RHOU: variants seen among roughly 807,000 people sequenced by gnomAD.
The protein encoded by RHOU is ras homolog family member U.
In RHOU, 8 loss-of-function variants were observed where a neutral mutation model predicts 12.6. That is an observed-to-expected ratio of 0.64 (90% confidence interval 0.37 to 1.15). The LOEUF (loss-of-function observed/expected upper bound fraction) is 1.15, where lower values mean the gene tolerates loss of function less well. Among genes scored for constraint, RHOU ranks in the 50% most tolerant of loss-of-function variants. The pLI is 0.01. For synonymous variants in RHOU, 161 were observed against 147.4 expected, an observed-to-expected ratio of 1.09 and a Z score of -0.67; for missense variants, 258 against 347.0, an observed-to-expected ratio of 0.74 and a Z score of 2.04.
chr1:228,668,779 C>A, the RHOU span, among the ~76,000 whole-genome samples: 25 of 152,336 alleles, frequency 1.6e-4, no homozygotes, highest in East Asian at 2.9e-3. Context: ...CATTTCTGAT[C>A]TAACTTTGAC....
At chr1:228,647,355 G>A in the RHOU span, among the ~76,000 whole-genome samples, 18 of 152,300 alleles carry the variant, frequency 1.2e-4, no homozygotes, top group African/African-American at 4.1e-4. Flanking sequence ...CCCTTTTGGC[G>A]GGAGCCGTGG....
At chr1:228,669,976 T>C in the RHOU span, among the ~76,000 whole-genome samples, 2 of 152,172 alleles carry the variant, frequency 1.3e-5, no homozygotes, top group African/African-American at 4.8e-5. Context: ...ACCTCCAGGC[T>C]CATACACAGT....
chr1:228,670,906 G>T, the RHOU span, among the ~76,000 whole-genome samples: 1 of 152,184 alleles, frequency 6.6e-6, no homozygotes, highest in Admixed American at 6.5e-5. Context: ...TGCCATGATT[G>T]TAAGTTTCCT....
chr1:228,674,568 A>G, the RHOU span, among the ~76,000 whole-genome samples: 1 of 148,648 alleles, frequency 6.7e-6, no homozygotes, highest in Non-Finnish European at 1.5e-5. Context: ...CTGGTCTCAA[A>G]CTCCTGACCT....
the RHOU span, among the ~76,000 whole-genome samples, chr1:228,721,317 T>C: frequency 0.035 from 5,272 of 152,170 alleles, 135 homozygotes; most frequent in Middle Eastern, 0.13. Context: ...AAATAAAAAA[T>C]AGAATTCGTC....
the RHOU span, among the ~76,000 whole-genome samples, chr1:228,700,559 A>G: frequency 6.6e-6 from 1 of 152,342 alleles, no homozygotes; most frequent in African/African-American, 2.4e-5. Context: ...AAACTCTATC[A>G]GAATTAAGCC....
the RHOU span, among the ~76,000 whole-genome samples, chr1:228,656,441 T>C: frequency 6.6e-6 from 1 of 152,248 alleles, no homozygotes; most frequent in Admixed American, 6.5e-5. Context: ...ACCATTCACT[T>C]TTTGTTTTCT....
chr1:228,652,222 G>A, the RHOU span, among the ~76,000 whole-genome samples: 4 of 152,132 alleles, frequency 2.6e-5, no homozygotes, highest in African/African-American at 4.8e-5. Flanking sequence ...GTGTATCCTG[G>A]GTCAGTAATA....
intron 1 of RHOU, among the ~76,000 whole-genome samples, chr1:228,736,304 A>G (rs1662611670): frequency 6.6e-6 from 1 of 151,842 alleles, no homozygotes; most frequent in Non-Finnish European, 1.5e-5. Context: ...GCAACAGATA[A>G]GTAGGAGTGA....
the RHOU span, among the ~76,000 whole-genome samples, chr1:228,715,510 AT>A: frequency 6.6e-6 from 1 of 152,142 alleles, no homozygotes; most frequent in Non-Finnish European, 1.5e-5. Context: ...TTGGTAGAAT[AT>A]TCGGTAATAT....
the RHOU span, among the ~76,000 whole-genome samples, chr1:228,669,587 C>G: frequency 6.6e-6 from 1 of 152,278 alleles, no homozygotes; most frequent in South Asian, 2.1e-4. Flanking sequence ...TGGTTAAGAA[C>G]TTATGAAATG....
At chr1:228,647,011 G>C in the RHOU span, among the ~76,000 whole-genome samples, 1 of 145,256 alleles carries the variant, frequency 6.9e-6, no homozygotes, top group African/African-American at 2.6e-5. Context: ...ATAACGCGAG[G>C]TCCAGGGGGA....
At chr1:228,729,408 T>A in the RHOU span, among the ~76,000 whole-genome samples, 1 of 152,208 alleles carries the variant, frequency 6.6e-6, no homozygotes, top group African/African-American at 2.4e-5. Flanking sequence ...TGAGCTCTTA[T>A]AAAATTGCCA....
At chr1:228,681,333 G>T in the RHOU span, among the ~76,000 whole-genome samples, 3 of 152,144 alleles carry the variant, frequency 2.0e-5, no homozygotes, top group African/African-American at 7.2e-5. Context: ...GGGAGCAGAG[G>T]CTGAAGAAGA....
Position 228,744,061 on chromosome 1 carries a change from G to C in RHOU, c.*321G>C, listed in dbSNP as rs1662777718. ...CTCTAATCTGGATGTTAAGAATGAA[G>C]TTCTGCTACATTATAATGTACAGAA... On this transcript the variant is annotated 3_prime_UTR_variant, in exon 3 of 3. Transcript: ENST00000366691. 1 of 268,216 alleles carries C rather than the reference G, an allele frequency of 3.7e-6. No homozygotes were observed. The highest frequency in any genetic ancestry group is 7.1e-6 in the Non-Finnish European group (1 of 141,286). The allele number at this position is 268,216 out of a possible 1,614,324, so 16.6% of individuals were successfully genotyped here. A position where few individuals can be genotyped will look rare whatever the true frequency, so the allele number is the denominator to read the frequency against.
chr1:228,698,527 G>A, the RHOU span, among the ~76,000 whole-genome samples: 1 of 152,206 alleles, frequency 6.6e-6, no homozygotes, highest in African/African-American at 2.4e-5. Flanking sequence ...ATTTAAAGAA[G>A]TCTGTTGTGT....
chr1:228,745,399 G>A lies in RHOU; in HGVS notation c.*1659G>A, dbSNP rs1662807511. ...ATAGAAGAATTTTATTTTTCTGTGG[G>A]TTTTGTGTTGTCTTTTTTATGTTAA... is the stretch of plus-strand genomic sequence containing the variant. On this transcript the variant is annotated 3_prime_UTR_variant, in exon 3 of 3. Coordinates refer to ENST00000366691, the MANE Select transcript of RHOU (RefSeq NM_021205.6). 6.6e-6 allele frequency: 1 copy of A among 152,112 alleles called. No individual in the cohort carries two copies. The highest frequency in any genetic ancestry group is 2.4e-5 in the African/African-American group (1 of 41,418). The allele number at this position is 152,112 out of a possible 1,614,324, so 9.4% of individuals were successfully genotyped here.
the RHOU span, among the ~76,000 whole-genome samples, chr1:228,684,865 TC>T: frequency 4.6e-5 from 7 of 152,128 alleles, no homozygotes; most frequent in African/African-American, 1.7e-4. Flanking sequence ...AAGAGAGTGT[TC>T]TTGATCTTGT....
At chr1:228,683,309 C>T in the RHOU span, among the ~76,000 whole-genome samples, 1 of 152,216 alleles carries the variant, frequency 6.6e-6, no homozygotes, top group African/African-American at 2.4e-5. Flanking sequence ...ACAGGCATTT[C>T]ACCCCTAGCA....
Sources: gnomAD v4.1 joint callset for allele counts (sites outside exome capture counted in the v4.1 genomes callset) on GRCh38, gnomAD v4.1.1 for gene constraint, MANE v1.5 for transcripts, NCBI Gene and HGNC (gene_info 2026-07-23, HGNC 2026-07-21) for gene names.